The following CTNNA1 variants were observed in gnomAD, a reference collection of about 807,000 sequenced individuals.
The protein encoded by CTNNA1 is catenin alpha-1.
CTNNA1 carries 37 observed loss-of-function variants against 98.4 expected under a neutral mutation model. The ratio of observed to expected loss-of-function variants is 0.38; its 90% CI spans 0.29 to 0.49. The LOEUF (loss-of-function observed/expected upper bound fraction) is 0.49. Among genes scored for constraint, CTNNA1 ranks in the 20% least tolerant of loss-of-function variants. CTNNA1 has a pLI of 0.95. For synonymous variants in CTNNA1, 404 were observed against 413.2 expected (o/e 0.98, Z 0.27); for missense variants, 761 against 1,147.2 (o/e 0.66, Z 4.86).
At chr5:138,925,505 G>C (rs939382402) in intron 13 of CTNNA1, 98 bp downstream of exon 13, 3 of 1,456,992 alleles carry the variant, frequency 2.1e-6, no homozygotes, top group Non-Finnish European at 2.8e-6. Flanking sequence ...TGCGGTGGCA[G>C]TATATTAAAA....
At chr5:138,780,707 G>T (rs1301798046) in intron 1 of CTNNA1, among the ~76,000 whole-genome samples, 1 of 151,184 alleles carries the variant, frequency 6.6e-6, no homozygotes, top group East Asian at 2.0e-4. Flanking sequence ...GTAGAGACAG[G>T]GTTTATCCTT....
chr5:138,847,997 T>G (rs1314621325), intron 7 of CTNNA1, among the ~76,000 whole-genome samples: 1 of 152,242 alleles, frequency 6.6e-6, no homozygotes, highest in Non-Finnish European at 1.5e-5. Context: ...TAAGTTCTTC[T>G]TTACCTAGCT....
chr5:138,828,870 T>A (rs1760984889), intron 7 of CTNNA1, among the ~76,000 whole-genome samples: 1 of 152,232 alleles, frequency 6.6e-6, no homozygotes, highest in African/African-American at 2.4e-5. Context: ...AAGCCTGTAG[T>A]CCCAGCGTTT....
At chr5:138,798,544 CT>C (rs1362747029) in intron 3 of CTNNA1, among the ~76,000 whole-genome samples, 3 of 152,174 alleles carry the variant, frequency 2.0e-5, no homozygotes, top group Non-Finnish European at 2.9e-5. Flanking sequence ...TTCCCCGTAA[CT>C]TTATAAAGTT....
rs538802546 is a variant in CTNNA1 at position 138,874,623 on chromosome 5, A to T, written c.1063-11589A>T. 1.6e-4 allele frequency: 158 copies of T among 987,306 alleles called. 6 individuals carry two copies. In the South Asian group the frequency reaches 2.5e-3, roughly 16 times the overall value. 61.2% of individuals were successfully genotyped at this position (987,306 alleles called of 1,614,324 possible). ...TTTCAGCAGAACATATGGGCTATTT[A>T]AAAAAAACAACCACCACCAACATTA... On this transcript the variant is annotated intron_variant, in intron 7 of 17. Coordinates refer to ENST00000302763, the MANE Select transcript of CTNNA1 (RefSeq NM_001903.5). The surrounding 1 kb of genome is among the most constrained non-coding windows in gnomAD (Gnocchi z 4.1).
intron 11 of CTNNA1, among the ~76,000 whole-genome samples, chr5:138,919,577 G>A (rs2150246343): frequency 6.6e-6 from 1 of 152,352 alleles, no homozygotes; most frequent in African/African-American, 2.4e-5. Flanking sequence ...CAGATACACT[G>A]TTGTCTGGTG....
intron 7 of CTNNA1, among the ~76,000 whole-genome samples, chr5:138,833,012 A>T (rs1470046465): frequency 6.6e-6 from 1 of 152,118 alleles, no homozygotes; most frequent in Non-Finnish European, 1.5e-5. Flanking sequence ...CCGTTTTTTA[A>T]GGCATGTGTT....
intron 3 of CTNNA1, among the ~76,000 whole-genome samples, chr5:138,792,631 G>A (rs1756505425): frequency 6.6e-6 from 1 of 152,138 alleles, no homozygotes; most frequent in African/African-American, 2.4e-5. Flanking sequence ...ATTTTAATTT[G>A]TCTGATCTGG....
intron 7 of CTNNA1, among the ~76,000 whole-genome samples, chr5:138,863,900 G>C (rs1764507924): frequency 6.6e-6 from 1 of 152,176 alleles, no homozygotes; most frequent in Admixed American, 6.5e-5. Context: ...TCTTGGTATG[G>C]ATCACCAGTA....
chr5:138,881,420 CA>C (rs1189787995), intron 7 of CTNNA1, among the ~76,000 whole-genome samples: 1 of 152,208 alleles, frequency 6.6e-6, no homozygotes, highest in Non-Finnish European at 1.5e-5. Flanking sequence ...TCCTGTTATT[CA>C]TTAAATATAT....
In CTNNA1 at chr5:138,873,145, T is replaced by A; in HGVS notation, c.1063-13067T>A. 1 of 1,613,784 alleles carries A rather than the reference T, an allele frequency of 6.2e-7. No homozygotes were observed. Among genetic ancestry groups the A allele is most frequent in the Non-Finnish European group, 8.5e-7 (1 of 1,179,846 alleles). On this transcript the variant is annotated intron_variant, in intron 7 of 17. Coordinates refer to ENST00000302763, the MANE Select transcript of CTNNA1 (RefSeq NM_001903.5). This position sits in a 1 kb window ranked among gnomAD's most constrained non-coding sequence, Gnocchi z 6.1. ...GGTCTGACATGTTTGACATATGGAGTCGTGTTTGGGATCGGAGCTGCCTGT... is the reference window on the plus strand; with the variant it reads ...GGTCTGACATGTTTGACATATGGAGACGTGTTTGGGATCGGAGCTGCCTGT...
At chr5:138,840,834 C>T (rs1326734431) in intron 7 of CTNNA1, among the ~76,000 whole-genome samples, 6 of 152,216 alleles carry the variant, frequency 3.9e-5, no homozygotes, top group Admixed American at 2.0e-4. Flanking sequence ...TTTGTGTGTT[C>T]GGTTTGTCTG....
intron 7 of CTNNA1, among the ~76,000 whole-genome samples, chr5:138,846,255 G>C (rs1762720859): frequency 6.6e-6 from 1 of 152,162 alleles, no homozygotes; most frequent in Non-Finnish European, 1.5e-5. Flanking sequence ...CCTGGCCCAA[G>C]GGTACTGGGT....
At chr5:138,770,624 CCTGA>C (rs1027292573) in intron 1 of CTNNA1, among the ~76,000 whole-genome samples, 59 of 152,320 alleles carry the variant, frequency 3.9e-4, no homozygotes, top group African/African-American at 1.4e-3. Context: ...TTAGTTCTTT[CCTGA>C]CTATTAGATT....
intron 5 of CTNNA1, among the ~76,000 whole-genome samples, chr5:138,814,318 G>A (rs1211859701): frequency 1.3e-5 from 2 of 150,376 alleles, no homozygotes; most frequent in African/African-American, 2.5e-5. Flanking sequence ...GTGCAATCTC[G>A]GCTCACCACA....
At position 138,898,601 on chromosome 5, in the gene CTNNA1, TA is replaced by T. The variant is rs74525874; in HGVS notation, c.1297-5732del. Among the ~76,000 whole-genome samples the T allele has an allele frequency of 5.2e-3, 742 of 142,938 alleles. 1 individual carries two copies. Among genetic ancestry groups the T allele is most frequent in the Admixed American group, 5.0e-3 (71 of 14,290 alleles). 93.8% of individuals were successfully genotyped at this position (142,938 alleles called of 152,430 possible). A position where few individuals can be genotyped will look rare whatever the true frequency, so the allele number is the denominator to read the frequency against. ...TGTGTGACAGAGTGAGACCCTGTCT[TA>T]AAAAAAAAAAAAAAAGTTATCCTAA... is the stretch of plus-strand genomic sequence containing the variant. On this transcript the variant is annotated intron_variant, in intron 9 of 17. Coordinates refer to ENST00000302763, the MANE Select transcript of CTNNA1 (RefSeq NM_001903.5).
chr5:138,785,608 T>G (rs1204062574), intron 3 of CTNNA1, among the ~76,000 whole-genome samples: 2 of 152,152 alleles, frequency 1.3e-5, no homozygotes, highest in Non-Finnish European at 2.9e-5. Flanking sequence ...TCTCCCAGGC[T>G]GGGATGCAGT....
intron 10 of CTNNA1, among the ~76,000 whole-genome samples, chr5:138,908,376 A>T (rs1561710523): frequency 6.6e-6 from 1 of 152,230 alleles, no homozygotes. Flanking sequence ...CATTTGAGAT[A>T]GTAAAGTTGA....
intron 1 of CTNNA1, among the ~76,000 whole-genome samples, chr5:138,780,726 G>A (rs535116224): frequency 6.6e-5 from 10 of 151,690 alleles, no homozygotes; most frequent in Admixed American, 2.6e-4. Flanking sequence ...TTGTTGGTCA[G>A]GCTGGTGTCG....
Sources: allele counts gnomAD v4.1 joint callset (sites outside exome capture counted in the v4.1 genomes callset), GRCh38; gene constraint gnomAD v4.1.1; non-coding constraint Gnocchi (gnomAD v3.1); transcripts MANE v1.5; gene names NCBI Gene and HGNC (gene_info 2026-07-23, HGNC 2026-07-21).